Variants in APAF1 observed in about 807,000 individuals in gnomAD.
APAF1 encodes the protein apoptotic protease-activating factor 1.
APAF1 carries 91 observed loss-of-function variants against 152.4 expected under a neutral mutation model. The ratio of observed to expected loss-of-function variants is 0.60; its 90% CI spans 0.50 to 0.71. The LOEUF is 0.71. Ranked by LOEUF, APAF1 falls within the 30% of genes least tolerant of loss-of-function variation. APAF1 has a pLI of 0.00. For missense variants in APAF1, 1,283 were observed against 1,472.0 expected, an observed-to-expected ratio of 0.87 and a Z score of 2.10; for synonymous variants, 484 against 494.1, an observed-to-expected ratio of 0.98 and a Z score of 0.27.
At chr12:98,706,725 T>G in intron 19 of APAF1, 115 bp downstream of exon 19, 9 of 1,159,908 alleles carry the variant, frequency 7.8e-6, no homozygotes, top group Non-Finnish European at 1.2e-5. Context: ...ACTAGTACTA[T>G]ATTCCTATTC....
At chr12:98,648,298 A>G in intron 1 of APAF1, 21 bp from the exon 2 acceptor site, 2 of 1,580,870 alleles carry the variant, frequency 1.3e-6, no homozygotes, top group South Asian at 2.2e-5. Flanking sequence ...CCTGACAAAT[A>G]TTTTGGTGTT....
At chr12:98,674,626 G>C (rs955210788) in intron 12 of APAF1, among the ~76,000 whole-genome samples, 10 of 152,150 alleles carry the variant, frequency 6.6e-5, no homozygotes, top group Admixed American at 4.6e-4. Flanking sequence ...ATAGTTTGGA[G>C]GTTAAAATAA....
At chr12:98,689,764 G>A (rs1362809697) in intron 16 of APAF1, among the ~76,000 whole-genome samples, 1 of 152,148 alleles carries the variant, frequency 6.6e-6, no homozygotes, top group Non-Finnish European at 1.5e-5. Flanking sequence ...GGACTGCAAA[G>A]CATTCTTCAG....
chr12:98,693,684 G>A (rs1430668587), intron 16 of APAF1, among the ~76,000 whole-genome samples: 2 of 151,952 alleles, frequency 1.3e-5, no homozygotes, highest in Non-Finnish European at 2.9e-5. Context: ...ATTCTGGTCG[G>A]TAATGGTAAT....
intron 21 of APAF1, among the ~76,000 whole-genome samples, chr12:98,713,105 C>T (rs1041376191): frequency 1.3e-5 from 2 of 152,204 alleles, no homozygotes; most frequent in Admixed American, 6.5e-5. Flanking sequence ...AGGCATGAGC[C>T]ACCACATCCA....
Position 98,667,644 on chromosome 12 carries a change from G to A in APAF1, c.1494G>A (p.Lys498=). The A allele has an allele frequency of 1.9e-6, 3 of 1,613,080 alleles. No individual in the cohort carries two copies. The highest frequency in any genetic ancestry group is 2.5e-6 in the Non-Finnish European group (3 of 1,179,872). The change falls in exon 10 of 27, where the codon AAG becomes AAA. Residue 498 remains lysine, a splice_region_variant and synonymous_variant. Coordinates refer to ENST00000551964, the MANE Select transcript of APAF1 (RefSeq NM_181861.2). ...ACATGGCCAGTGCCAAGATGCACAAGGTAAGATGACCCATTTAAAAATTCT... is the reference window on the plus strand; with the variant it reads ...ACATGGCCAGTGCCAAGATGCACAAAGTAAGATGACCCATTTAAAAATTCT... ...AYHMASAKMH[K]ELCALMFSLD...
chr12:98,662,613 A>G (rs1048377806), intron 6 of APAF1, 45 bp downstream of exon 6: 7 of 1,598,818 alleles, frequency 4.4e-6, no homozygotes, highest in Non-Finnish European at 6.0e-6. Context: ...TATTTAATTT[A>G]ATTACATTTA....
Position 98,667,765 on chromosome 12 carries a change from ATTTTT to A in APAF1, c.1494+141_1494+145del, listed in dbSNP as rs71305589. On this transcript the variant is annotated intron_variant, in intron 10 of 26. Transcript: ENST00000551964. Reference sequence around the variant, plus strand: ...TTTTGTTCATATTGCTTTCCATTTGATTTTTTTTTTTTTTTTTTTTTTTTGAGACA... The same window carrying A: ...TTTTGTTCATATTGCTTTCCATTTGATTTTTTTTTTTTTTTTTTTGAGACA... The A allele has an allele frequency of 1.9e-3, 616 of 321,440 alleles. 1 individual carries two copies. The highest frequency in any genetic ancestry group is 9.0e-3 in the East Asian group (113 of 12,552). 19.9% of individuals were successfully genotyped at this position (321,440 alleles called of 1,614,324 possible).
chr12:98,663,744 T>A (rs2097668525), intron 7 of APAF1, among the ~76,000 whole-genome samples: 1 of 151,690 alleles, frequency 6.6e-6, no homozygotes, highest in African/African-American at 2.4e-5. Flanking sequence ...CTGCAACTTC[T>A]GCCTCCCAGG....
At chr12:98,690,944 C>T (rs1378882564) in intron 16 of APAF1, among the ~76,000 whole-genome samples, 3 of 152,182 alleles carry the variant, frequency 2.0e-5, no homozygotes, top group South Asian at 2.1e-4. Flanking sequence ...CATGGTGGCT[C>T]ATGCCTGTAA....
chr12:98,724,229 T>C (rs1488163013), intron 24 of APAF1, among the ~76,000 whole-genome samples: 1 of 152,206 alleles, frequency 6.6e-6, no homozygotes, highest in Non-Finnish European at 1.5e-5. Context: ...TTGTCAGGGC[T>C]GTATCCTGTC....
intron 14 of APAF1, among the ~76,000 whole-genome samples, chr12:98,682,046 TTTTTTG>T (rs1208319922): frequency 1.3e-5 from 2 of 150,234 alleles, no homozygotes; most frequent in African/African-American, 5.0e-5. Context: ...GATGATTAAT[TTTTTTG>T]TTTTTTTTTT....
At chr12:98,691,746 TCTC>T (rs1283907141) in intron 16 of APAF1, among the ~76,000 whole-genome samples, 1 of 152,114 alleles carries the variant, frequency 6.6e-6, no homozygotes, top group Non-Finnish European at 1.5e-5. Flanking sequence ...TTTTTGAAAC[TCTC>T]CTCATTTTAC....
At chr12:98,696,733 T>C (rs2097710378) in intron 16 of APAF1, among the ~76,000 whole-genome samples, 1 of 152,136 alleles carries the variant, frequency 6.6e-6, no homozygotes, top group Non-Finnish European at 1.5e-5. Context: ...TGGGCTCAAG[T>C]GGTCCGCTTG....
At chr12:98,722,693 G>T (rs1430290957) in intron 22 of APAF1, among the ~76,000 whole-genome samples, 1 of 152,118 alleles carries the variant, frequency 6.6e-6, no homozygotes. Context: ...TTTGAGGATT[G>T]CGATGGGGGA....
chr12:98,722,887 C>T (rs1454206514), intron 22 of APAF1, among the ~76,000 whole-genome samples: 3 of 151,570 alleles, frequency 2.0e-5, no homozygotes, highest in Non-Finnish European at 4.4e-5. Flanking sequence ...AGATGGTGAG[C>T]TCACTGGCAT....
chr12:98,650,714 G>C (rs1258993644), intron 4 of APAF1, among the ~76,000 whole-genome samples: 1 of 151,856 alleles, frequency 6.6e-6, no homozygotes, highest in Non-Finnish European at 1.5e-5. Context: ...CCTAACCCTT[G>C]GTTTTTCCCC....
At chr12:98,687,686 A>C (rs1174614615) in intron 16 of APAF1, among the ~76,000 whole-genome samples, 1 of 152,140 alleles carries the variant, frequency 6.6e-6, no homozygotes. Flanking sequence ...CTCATGACCT[A>C]ATCACTTTTG....
chr12:98,677,313 G>T (rs2097687658), intron 12 of APAF1, 112 bp from the exon 13 acceptor site: 1 of 1,103,912 alleles, frequency 9.1e-7, no homozygotes, highest in Non-Finnish European at 1.3e-6. Context: ...TAAGAATTTT[G>T]TATTTTGGGG....
Sources: allele counts gnomAD v4.1 joint callset (sites outside exome capture counted in the v4.1 genomes callset), GRCh38; gene constraint gnomAD v4.1.1; transcripts MANE v1.5; gene names NCBI Gene and HGNC (gene_info 2026-07-23, HGNC 2026-07-21).